The following DIS3 variants were observed in gnomAD, a reference collection of about 807,000 sequenced individuals.
DIS3 encodes the protein exosome complex exonuclease RRP44.
Under a neutral mutation model 113.0 loss-of-function variants are expected in DIS3, and 103 were observed. The ratio of observed to expected loss-of-function variants is 0.91; its 90% CI spans 0.78 to 1.07. The LOEUF (loss-of-function observed/expected upper bound fraction) is 1.07, where lower values mean the gene tolerates loss of function less well. DIS3 is among the 50% of genes least tolerant of loss of function. DIS3 has a pLI of 0.00. For synonymous variants in DIS3, 402 were observed against 394.3 expected, an observed-to-expected ratio of 1.02 and a Z score of -0.23; for missense variants, 1,121 against 1,167.1, an observed-to-expected ratio of 0.96 and a Z score of 0.58.
chr13:72,760,480 A>G, intron 20 of DIS3, 49 bp downstream of exon 20: 1 of 1,610,366 alleles, frequency 6.2e-7, no homozygotes, highest in South Asian at 1.1e-5. Flanking sequence ...TTGACAAAAT[A>G]TGTACTGTTT....
At chr13:72,763,690 T>C (rs1419640991) in intron 15 of DIS3, 83 bp from the exon 16 acceptor site, 2 of 1,363,028 alleles carry the variant, frequency 1.5e-6, no homozygotes, top group Admixed American at 5.4e-5. Context: ...GTTACCTTTG[T>C]TACCAAGAAG....
In DIS3 at chr13:72,772,819, T is replaced by G; in HGVS notation, c.1260A>C (p.Leu420Phe). The part of the protein sequence containing the change: ...RYPNGHFVRN[L>F]GDVGEKETET... The stretch of plus-strand genomic sequence containing the variant: ...CAGTCTCTTTCTCTCCAACATCACC[T>G]AAATTTCTCACAAAGTGTCCCTGAA... The change falls in exon 9 of 21, where the codon TTA (leucine) becomes TTC (phenylalanine). Residue 420 changes from leucine (L) to phenylalanine (F), a missense_variant. This residue lies in a region of DIS3 where 861 missense variants were observed against 915.5 expected (regional missense o/e 0.94). Transcript: ENST00000377767. 6.2e-7 allele frequency: 1 copy of G among 1,604,244 alleles called. No individual in the cohort carries two copies. The highest frequency in any genetic ancestry group is 1.3e-5 in the African/African-American group (1 of 74,562).
At chr13:72,779,138 T>C (rs2034092959) in intron 2 of DIS3, among the ~76,000 whole-genome samples, 1 of 151,768 alleles carries the variant, frequency 6.6e-6, no homozygotes, top group Admixed American at 6.6e-5. Flanking sequence ...TTTTTTTTTT[T>C]GAAACAGAGT....
At chr13:72,775,879 A>G (rs2034002527) in intron 5 of DIS3, 46 bp downstream of exon 5, 1 of 1,454,098 alleles carries the variant, frequency 6.9e-7, no homozygotes, top group Non-Finnish European at 9.3e-7. Flanking sequence ...AATATATAAA[A>G]TATCATCTTT....
chr13:72,761,460 T>C lies in DIS3; in HGVS notation c.2573A>G (p.Asn858Ser). ...CTTTGGAATTAATACCACAATGGCA[T>C]TCTTTCTTACAAATAAAATATAGGC... ...EEAYILFVRK[N>S]AIVVLIPKYG... Residue 858 changes from asparagine (N) to serine (S), a missense_variant, in exon 19 of 21, where the codon AAT (asparagine) becomes AGT (serine). Physicochemically the swap from Asn to Ser is conservative, Grantham distance 46 (BLOSUM62 1). This residue lies in a region of DIS3 where 861 missense variants were observed against 915.5 expected (regional missense o/e 0.94). Transcript: ENST00000377767. The C allele has an allele frequency of 6.2e-7, 1 of 1,610,804 alleles. No homozygotes were observed. The highest frequency in any genetic ancestry group is 1.3e-5 in the African/African-American group (1 of 74,870).
At chr13:72,761,245 G>C in intron 19 of DIS3, 118 bp downstream of exon 19, 1 of 1,292,876 alleles carries the variant, frequency 7.7e-7, no homozygotes, top group South Asian at 1.6e-5. Flanking sequence ...TGTATTTGGA[G>C]ATCAGGATAA....
rs2033578544 is a variant in DIS3 at position 72,759,733 on chromosome 13, GTTCT to G, written c.*58_*61del. 3.8e-6 allele frequency: 5 copies of G among 1,321,470 alleles called. No individual in the cohort carries two copies. Among genetic ancestry groups the G allele is most frequent in the South Asian group, 2.5e-5 (2 of 80,308 alleles). 81.9% of individuals were successfully genotyped at this position (1,321,470 alleles called of 1,614,324 possible). A position where few individuals can be genotyped will look rare whatever the true frequency, so the allele number is the denominator to read the frequency against. ...GTATCACACACTTAGGCTTAGAAGT[GTTCT>G]TTCAAGTTTTTTCTTTTAAAAAAGA... is the stretch of plus-strand genomic sequence containing the variant. On this transcript the variant is annotated 3_prime_UTR_variant, in exon 21 of 21. Transcript: ENST00000377767.
rs1315064754 is a variant in DIS3, at chr13:72,781,748, T to G, written c.85A>C (p.Ile29Leu). 2 of 1,597,918 alleles carry G rather than the reference T, an allele frequency of 1.3e-6. No homozygotes were observed. Among genetic ancestry groups the G allele is most frequent in the Non-Finnish European group, 1.7e-6 (2 of 1,172,824 alleles). The change falls in exon 1 of 21, where the codon ATC becomes CTC. Residue 29 changes from isoleucine (I) to leucine (L), a missense_variant. Physicochemically the swap from Ile to Leu is conservative, Grantham distance 5. This residue lies in a region of DIS3 where 254 missense variants were observed against 232.2 expected (regional missense o/e 1.09). Transcript: ENST00000377767. The stretch of plus-strand genomic sequence containing the variant: ...GCGCACCCGGGCGCACCGCAGCCGA[T>G]GTCGTCTCGCAGGTAGTGCTCGCGC... ...IVREHYLRDD[I>L]GCGAPGCAAC...
chr13:72,771,128 T>C lies in DIS3; in HGVS notation c.1623A>G (p.Pro541=), dbSNP rs1229528153. Residue 541 remains proline (P), a synonymous_variant, in exon 12 of 21, where the codon CCA becomes CCG. Coordinates refer to ENST00000377767, the MANE Select transcript of DIS3 (RefSeq NM_014953.5). ...AACACAAGTTAGAGCTAAGCAACTC[T>C]GGAACCATGTCAATCCTCTGCAAAA... The part of the protein sequence containing the change: ...YLCEKRIDMV[P]ELLSSNLCSL... The C allele has an allele frequency of 1.9e-6, 3 of 1,613,612 alleles. No homozygotes were observed. Among genetic ancestry groups the C allele is most frequent in the Non-Finnish European group, 2.5e-6 (3 of 1,179,666 alleles).
Position 72,759,630 on chromosome 13 carries a change from A to C in DIS3, c.*165T>G, listed in dbSNP as rs908529294. ...TTCAACCCAGAAGTATAGTAGTATG[A>C]TGGGTCAGATACAGTCAACTGTTCA... On this transcript the variant is annotated 3_prime_UTR_variant, in exon 21 of 21. Coordinates refer to ENST00000377767, the MANE Select transcript of DIS3 (RefSeq NM_014953.5). 206 of 579,142 alleles carry C rather than the reference A, an allele frequency of 3.6e-4. No individual in the cohort carries two copies. The highest frequency in any genetic ancestry group is 9.0e-4 in the African/African-American group (48 of 53,182). The allele number at this position is 579,142 out of a possible 1,614,324, so 35.9% of individuals were successfully genotyped here.
At chr13:72,769,875 T>C (rs1047702304) in intron 13 of DIS3, among the ~76,000 whole-genome samples, 4 of 152,106 alleles carry the variant, frequency 2.6e-5, no homozygotes, top group African/African-American at 9.7e-5. Flanking sequence ...AAACAGATCA[T>C]TAGAAGATAA....
intron 2 of DIS3, among the ~76,000 whole-genome samples, chr13:72,778,666 T>C (rs1225909101): frequency 1.3e-5 from 2 of 152,228 alleles, no homozygotes; most frequent in Non-Finnish European, 2.9e-5. Flanking sequence ...TCAGAATTTA[T>C]ACTTTAGGTT....
chr13:72,755,263 A>G lies in DIS3; in HGVS notation c.*4532T>C. On this transcript the variant is annotated 3_prime_UTR_variant, in exon 21 of 21. Coordinates refer to ENST00000377767, the MANE Select transcript of DIS3 (RefSeq NM_014953.5). ...GACTAAGCTTAAGAGTTCCTCGCAT[A>G]TATCGTTGTGCACAGGATCAACATG... The G allele has an allele frequency of 2.0e-6, 3 of 1,492,892 alleles. No individual in the cohort carries two copies. The highest frequency in any genetic ancestry group is 1.4e-5 in the African/African-American group (1 of 72,326). The allele number at this position is 1,492,892 out of a possible 1,614,324, so 92.5% of individuals were successfully genotyped here. A position where few individuals can be genotyped will look rare whatever the true frequency, so the allele number is the denominator to read the frequency against.
chr13:72,762,011 C>T lies in DIS3; in HGVS notation c.2254G>A (p.Val752Met). 2 of 1,614,134 alleles carry T rather than the reference C, an allele frequency of 1.2e-6. No homozygotes were observed. Among genetic ancestry groups the T allele is most frequent in the South Asian group, 2.2e-5 (2 of 91,088 alleles). ...ILATRCMMQA[V>M]YFCSGMDNDF... ...TTATCCATTCCAGAACAGAAGTACACAGCTTGCATCATACAGCGAGTGGCT... is the reference window on the plus strand; with the variant it reads ...TTATCCATTCCAGAACAGAAGTACATAGCTTGCATCATACAGCGAGTGGCT... The change falls in exon 17 of 21, where the codon GTG (valine) becomes ATG (methionine). Residue 752 changes from valine to methionine, a missense_variant. This residue lies in a region of DIS3 where 861 missense variants were observed against 915.5 expected (regional missense o/e 0.94). Coordinates refer to ENST00000377767, the MANE Select transcript of DIS3 (RefSeq NM_014953.5).
intron 14 of DIS3, among the ~76,000 whole-genome samples, chr13:72,768,542 T>G (rs2033807514): frequency 6.6e-6 from 1 of 152,134 alleles, no homozygotes; most frequent in African/African-American, 2.4e-5. Flanking sequence ...CCCAGCTACT[T>G]GAACGACAGG....
intron 6 of DIS3, 122 bp from the exon 7 acceptor site, chr13:72,774,181 A>C (rs1003333780): frequency 3.4e-6 from 2 of 590,498 alleles, no homozygotes; most frequent in African/African-American, 3.8e-5. Flanking sequence ...ATGACATAAG[A>C]CTACAGAATG....
In DIS3 at chr13:72,775,873, T is replaced by C; in HGVS notation, c.822+52A>G. Reference sequence around the variant, plus strand: ...TATTTACCATTAAGTGTTCATAATATATAAAATATCATCTTTATTTTAGTG... The same window carrying C: ...TATTTACCATTAAGTGTTCATAATACATAAAATATCATCTTTATTTTAGTG... On this transcript the variant is annotated intron_variant, in intron 5 of 20. Transcript: ENST00000377767. 3.6e-6 allele frequency: 5 copies of C among 1,397,208 alleles called. No homozygotes were observed. In the South Asian group the frequency reaches 6.7e-5, roughly 19 times the overall value. The allele number at this position is 1,397,208 out of a possible 1,614,324, so 86.6% of individuals were successfully genotyped here. A position where few individuals can be genotyped will look rare whatever the true frequency, so the allele number is the denominator to read the frequency against.
At chr13:72,777,746 C>A (rs1225715303) in intron 3 of DIS3, among the ~76,000 whole-genome samples, 1 of 151,314 alleles carries the variant, frequency 6.6e-6, no homozygotes. Flanking sequence ...TACTACCATG[C>A]ACGGCTTTTT....
intron 2 of DIS3, among the ~76,000 whole-genome samples, chr13:72,779,578 T>C (rs1445833870): frequency 2.0e-5 from 3 of 152,198 alleles, no homozygotes; most frequent in Non-Finnish European, 4.4e-5. Context: ...TGGTATTCTT[T>C]ACAAGAACAT....
Sources: allele counts gnomAD v4.1 joint callset (sites outside exome capture counted in the v4.1 genomes callset), GRCh38; gene constraint gnomAD v4.1.1; regional missense constraint gnomAD v4.1.1; transcripts MANE v1.5; gene names NCBI Gene and HGNC (gene_info 2026-07-23, HGNC 2026-07-21).